The following ERAP1 variants were observed in gnomAD, a reference collection of about 807,000 sequenced individuals.
ERAP1 encodes the protein endoplasmic reticulum aminopeptidase 1, also known as adipocyte-derived leucine aminopeptidase.
ERAP1 carries 86 observed loss-of-function variants against 103.7 expected under a neutral mutation model. The observed-to-expected ratio is 0.83, with a 90% CI of 0.70 to 0.99. The LOEUF is 0.99. ERAP1 is among the 50% of genes least tolerant of loss of function. The pLI, the probability that ERAP1 is intolerant of heterozygous loss-of-function variation, is 0.00. For missense variants in ERAP1, 1,009 were observed against 1,128.4 expected, an observed-to-expected ratio of 0.89 and a Z score of 1.52; for synonymous variants, 398 against 402.4, an observed-to-expected ratio of 0.99 and a Z score of 0.13.
the ERAP1 span, chr5:96,880,241 A>C: frequency 2.5e-6 from 4 of 1,609,322 alleles, no homozygotes; most frequent in Non-Finnish European, 3.4e-6. Flanking sequence ...CACATACAGA[A>C]CTCTTGGTGG....
At chr5:96,802,647 A>C (rs78153771) in intron 2 of ERAP1, among the ~76,000 whole-genome samples, 2 of 152,186 alleles carry the variant, frequency 1.3e-5, no homozygotes, top group Admixed American at 6.5e-5. Flanking sequence ...ATCTCTAAAA[A>C]AGTTTTAACT....
chr5:96,783,377 T>A (rs1216072117), intron 14 of ERAP1, 142 bp from the exon 15 acceptor site: 2 of 675,010 alleles, frequency 3.0e-6, no homozygotes, highest in Non-Finnish European at 4.7e-6. Flanking sequence ...GCAGCACTGT[T>A]TAATTATAAA....
At chr5:96,869,540 G>C in the ERAP1 span, among the ~76,000 whole-genome samples, 1 of 152,342 alleles carries the variant, frequency 6.6e-6, no homozygotes, top group African/African-American at 2.4e-5. Context: ...GATTTTTATA[G>C]AAAAGGATGG....
chr5:96,779,982 A>C (rs1352610496), intron 18 of ERAP1, among the ~76,000 whole-genome samples: 2 of 152,230 alleles, frequency 1.3e-5, no homozygotes, highest in African/African-American at 4.8e-5. Context: ...TGGATCTTAA[A>C]GCTGCCTGAA....
chr5:96,862,407 A>G, the ERAP1 span, among the ~76,000 whole-genome samples: 1 of 152,254 alleles, frequency 6.6e-6, no homozygotes, highest in Admixed American at 6.5e-5. Flanking sequence ...AAATAAATAA[A>G]TAAACTTGCC....
downstream of ERAP1, chr5:96,774,428 A>T: frequency 1.2e-6 from 1 of 804,964 alleles, no homozygotes; most frequent in Non-Finnish European, 1.5e-6. Context: ...TACAGGATCT[A>T]AAGCAGCCCT....
chr5:96,881,380 T>C, the ERAP1 span: 3 of 455,354 alleles, frequency 6.6e-6, no homozygotes, highest in Non-Finnish European at 8.8e-6. Flanking sequence ...ACAACAGAGA[T>C]TGCTGACATA....
the ERAP1 span, among the ~76,000 whole-genome samples, chr5:96,920,215 G>GGATC: frequency 6.6e-6 from 1 of 151,824 alleles, no homozygotes; most frequent in Non-Finnish European, 1.5e-5. Context: ...TGAGGTGAGA[G>GGATC]GATCACTTGA....
the ERAP1 span, among the ~76,000 whole-genome samples, chr5:96,875,756 C>A: frequency 6.6e-6 from 1 of 152,116 alleles, no homozygotes; most frequent in African/African-American, 2.4e-5. Flanking sequence ...ACTGTTGGTC[C>A]ATCAGGCTGT....
chr5:96,897,140 T>A, the ERAP1 span, among the ~76,000 whole-genome samples: 2 of 152,334 alleles, frequency 1.3e-5, no homozygotes, highest in Admixed American at 1.3e-4. Flanking sequence ...TGATCTAAAA[T>A]CTTTAAAATG....
intron 1 of ERAP1, among the ~76,000 whole-genome samples, chr5:96,806,623 C>CTTTTTTTTTTTTT (rs75649816): frequency 7.8e-6 from 1 of 128,020 alleles, no homozygotes; most frequent in Non-Finnish European, 1.6e-5. Flanking sequence ...CAAGATCCCT[C>CTTTTTTTTTTTTT]TTTTTTTTTT....
the ERAP1 span, among the ~76,000 whole-genome samples, chr5:96,840,937 C>G: frequency 6.6e-6 from 1 of 152,142 alleles, no homozygotes; most frequent in Admixed American, 6.5e-5. Flanking sequence ...ATCTCCTGAC[C>G]TCGTGATCCG....
chr5:96,855,800 T>C, the ERAP1 span, among the ~76,000 whole-genome samples: 1 of 152,076 alleles, frequency 6.6e-6, no homozygotes, highest in Non-Finnish European at 1.5e-5. Flanking sequence ...GTTGGTCTTG[T>C]AGGTAAAAGG....
the ERAP1 span, among the ~76,000 whole-genome samples, chr5:96,839,880 G>A: frequency 1.3e-5 from 2 of 152,120 alleles, no homozygotes; most frequent in African/African-American, 2.4e-5. Context: ...GACCTCATCT[G>A]AGTTCCCAGA....
At chr5:96,771,919 T>G (rs191616710), downstream of ERAP1, 23 of 383,370 alleles carry the variant, frequency 6.0e-5, no homozygotes, top group African/African-American at 4.4e-4. Flanking sequence ...AACCTTAATC[T>G]TATAATTAAA....
chr5:96,902,884 A>G, the ERAP1 span: 1 of 154,440 alleles, frequency 6.5e-6, no homozygotes, highest in Non-Finnish European at 1.4e-5. Flanking sequence ...CATTAAAAAT[A>G]CATAGTATAA....
intron 7 of ERAP1, among the ~76,000 whole-genome samples, chr5:96,792,581 A>C (rs1581595984): frequency 2.6e-5 from 4 of 152,232 alleles, no homozygotes; most frequent in African/African-American, 9.6e-5. Flanking sequence ...AAACATAATG[A>C]AAATAAATGG....
the ERAP1 span, among the ~76,000 whole-genome samples, chr5:96,898,210 TAAC>T: frequency 6.6e-6 from 1 of 151,582 alleles, no homozygotes; most frequent in African/African-American, 2.4e-5. Context: ...ATAATAATAA[TAAC>T]AATAATTAAT....
At chr5:96,804,377 C>T in intron 1 of ERAP1, 1 of 287,654 alleles carries the variant, frequency 3.5e-6, no homozygotes, top group Non-Finnish European at 6.7e-6. Flanking sequence ...TGATCAAGCA[C>T]CACTCCCCAC....
Sources: allele counts gnomAD v4.1 joint callset (sites outside exome capture counted in the v4.1 genomes callset), GRCh38; gene constraint gnomAD v4.1.1; transcripts MANE v1.5; gene names NCBI Gene and HGNC (gene_info 2026-07-23, HGNC 2026-07-21).